The following LIMS1 variants were observed in gnomAD, a reference collection of about 807,000 sequenced individuals.
LIMS1 encodes the protein LIM zinc finger domain containing 1.
In LIMS1, 18 loss-of-function variants were observed where a neutral mutation model predicts 44.1. That is an observed-to-expected ratio of 0.41 (90% confidence interval 0.28 to 0.61). The LOEUF (loss-of-function observed/expected upper bound fraction) is 0.61. LIMS1 is among the 20% of genes least tolerant of loss of function. LIMS1 has a pLI of 0.32. For missense variants in LIMS1, 201 were observed against 422.0 expected, an observed-to-expected ratio of 0.48 and a Z score of 4.59; for synonymous variants, 93 against 149.1, an observed-to-expected ratio of 0.62 and a Z score of 2.74.
chr2:108,545,111 C>G (rs1285263985), intron 1 of LIMS1, among the ~76,000 whole-genome samples: 1 of 152,162 alleles, frequency 6.6e-6, no homozygotes, highest in Non-Finnish European at 1.5e-5. Flanking sequence ...TCTCTTTTAA[C>G]ATATAAGTAT....
chr2:108,681,860 C>G (rs1232794842), intron 9 of LIMS1, among the ~76,000 whole-genome samples: 1 of 150,788 alleles, frequency 6.6e-6, no homozygotes, highest in Non-Finnish European at 1.5e-5. Flanking sequence ...CACTGCACTC[C>G]AGCTTGGGCG....
intron 1 of LIMS1, among the ~76,000 whole-genome samples, chr2:108,599,820 G>A (rs1262827702): frequency 4.0e-5 from 6 of 151,644 alleles, no homozygotes; most frequent in East Asian, 2.0e-4. Context: ...CCATTTGTAC[G>A]TTTTCTTTTG....
intron 1 of LIMS1, among the ~76,000 whole-genome samples, chr2:108,595,561 T>A (rs1394769939): frequency 6.6e-6 from 1 of 152,228 alleles, no homozygotes; most frequent in Non-Finnish European, 1.5e-5. Flanking sequence ...TTCTGCCTAC[T>A]TTGTTGCCTT....
At chr2:108,611,933 CAT>C (rs1278027154) in intron 1 of LIMS1, among the ~76,000 whole-genome samples, 1 of 139,056 alleles carries the variant, frequency 7.2e-6, no homozygotes, top group Non-Finnish European at 1.5e-5. Context: ...TATATATATA[CAT>C]ATATAAAATA....
At chr2:108,584,151 C>G (rs1257408610) in intron 1 of LIMS1, among the ~76,000 whole-genome samples, 2 of 152,154 alleles carry the variant, frequency 1.3e-5, no homozygotes, top group African/African-American at 4.8e-5. Context: ...CCCACTCTTA[C>G]ATAGTCTATA....
intron 1 of LIMS1, among the ~76,000 whole-genome samples, chr2:108,629,065 G>A (rs1416299159): frequency 6.6e-6 from 1 of 152,190 alleles, no homozygotes; most frequent in African/African-American, 2.4e-5. Context: ...GTCTATCTAT[G>A]TTGCCATCTG....
At chr2:108,683,099 C>T (rs1246688002) in intron 9 of LIMS1, among the ~76,000 whole-genome samples, 4 of 152,184 alleles carry the variant, frequency 2.6e-5, no homozygotes, top group African/African-American at 9.7e-5. Flanking sequence ...CTACCGCTTA[C>T]AATGCAACCA....
intron 2 of LIMS1, chr2:108,662,110 A>G (rs1691416438): frequency 6.3e-7 from 1 of 1,592,780 alleles, no homozygotes; most frequent in African/African-American, 1.3e-5. Context: ...TCAGAGAAAA[A>G]GACAGGCTTT....
At chr2:108,546,269 C>CT (rs35959257) in intron 1 of LIMS1, among the ~76,000 whole-genome samples, 12,035 of 90,440 alleles carry the variant, frequency 0.13, 1,559 homozygotes, top group African/African-American at 0.22. Context: ...AGGCTACCGC[C>CT]TTTTTTTTTT....
intron 1 of LIMS1, among the ~76,000 whole-genome samples, chr2:108,557,975 G>A (rs1164359935): frequency 1.3e-5 from 2 of 152,190 alleles, no homozygotes; most frequent in Non-Finnish European, 2.9e-5. Context: ...CTGAATGTAT[G>A]AAGGGGAAAT....
At chr2:108,580,094 G>A (rs1210518005) in intron 1 of LIMS1, among the ~76,000 whole-genome samples, 12 of 152,172 alleles carry the variant, frequency 7.9e-5, no homozygotes, top group Non-Finnish European at 1.6e-4. Flanking sequence ...AAGCTTCAAA[G>A]AAATTTACTG....
chr2:108,628,701 G>A (rs1349469871), intron 1 of LIMS1, among the ~76,000 whole-genome samples: 2 of 152,180 alleles, frequency 1.3e-5, no homozygotes, highest in South Asian at 4.1e-4. Flanking sequence ...CCTGACCTCA[G>A]GTGATCCACC....
intron 1 of LIMS1, among the ~76,000 whole-genome samples, chr2:108,573,013 G>A (rs1044648437): frequency 4.6e-5 from 7 of 152,156 alleles, no homozygotes; most frequent in African/African-American, 1.7e-4. Context: ...AACTGGTGAA[G>A]AATAAGGATT....
At position 108,552,302 on chromosome 2, in the gene LIMS1, G is replaced by A. The variant is rs61059651; in HGVS notation, c.32+17708G>A. ...ATGAAACTATATATATACTATACGT[G>A]TAGTATATATATGAAACTATATATA... On this transcript the variant is annotated intron_variant, in intron 1 of 9. Coordinates refer to ENST00000544547, the Ensembl canonical transcript of LIMS1. 5.3e-3 allele frequency among the ~76,000 whole-genome samples: 677 copies of A among 128,820 alleles called. 6 individuals are homozygous for A. The highest frequency in any genetic ancestry group is 0.018 in the African/African-American group (640 of 36,202). 84.5% of individuals were successfully genotyped at this position (128,820 alleles called of 152,430 possible).
intron 3 of LIMS1, among the ~76,000 whole-genome samples, chr2:108,671,194 A>G (rs905973571): frequency 1.3e-5 from 2 of 152,004 alleles, no homozygotes; most frequent in African/African-American, 4.8e-5. Context: ...AAGTTTCCAC[A>G]TTACTTCAGT....
At chr2:108,683,412 A>G (rs188531664) in intron 9 of LIMS1, among the ~76,000 whole-genome samples, 11 of 152,158 alleles carry the variant, frequency 7.2e-5, no homozygotes, top group African/African-American at 2.6e-4. Flanking sequence ...GCATAGTAGT[A>G]TGCACTTGTG....
chr2:108,560,421 C>T (rs1685072459), intron 1 of LIMS1, among the ~76,000 whole-genome samples: 1 of 152,050 alleles, frequency 6.6e-6, no homozygotes, highest in Non-Finnish European at 1.5e-5. Context: ...TATTCTTCCC[C>T]TCATTCATTC....
At chr2:108,633,901 T>G (rs760537759) in intron 1 of LIMS1, among the ~76,000 whole-genome samples, 15 of 152,204 alleles carry the variant, frequency 9.9e-5, no homozygotes, top group Non-Finnish European at 2.1e-4. Context: ...ATTGCAAAAT[T>G]TCCTGAAATA....
At chr2:108,573,657 ACT>A (rs1171575630) in intron 1 of LIMS1, among the ~76,000 whole-genome samples, 5 of 152,100 alleles carry the variant, frequency 3.3e-5, no homozygotes, top group African/African-American at 9.7e-5. Flanking sequence ...AGCAGACAGA[ACT>A]CTCTGTCTTC....
Sources: gnomAD v4.1 joint callset for allele counts (sites outside exome capture counted in the v4.1 genomes callset) on GRCh38, gnomAD v4.1.1 for gene constraint, MANE v1.5 for transcripts, NCBI Gene and HGNC (gene_info 2026-07-23, HGNC 2026-07-21) for gene names.